The following CDK6 variants were observed in gnomAD, a reference collection of about 807,000 sequenced individuals.
CDK6 encodes cyclin-dependent kinase 6.
Under a neutral mutation model 37.1 loss-of-function variants are expected in CDK6, and 6 were observed. That is an observed-to-expected ratio of 0.16 (90% CI 0.09 to 0.32). The LOEUF is 0.32. Ranked by LOEUF, CDK6 falls within the 10% of genes least tolerant of loss-of-function variation. CDK6 has a pLI of 1.00. For missense variants in CDK6, 224 were observed against 418.9 expected (o/e 0.53, Z 4.06); for synonymous variants, 160 against 161.3 (o/e 0.99, Z 0.06).
chr7:92,673,999 C>T lies in CDK6; in HGVS notation c.538-2464G>A, dbSNP rs542646685. ...TTCACCATGTTGCTCAGGCTGGTCTCGAACTCCTGAGCTCAGGCAATCTGC... is the reference window on the plus strand; with the variant it reads ...TTCACCATGTTGCTCAGGCTGGTCTTGAACTCCTGAGCTCAGGCAATCTGC... On this transcript the variant is annotated intron_variant, in intron 4 of 7. Coordinates refer to ENST00000424848, the MANE Select transcript of CDK6 (RefSeq NM_001145306.2). Among the ~76,000 whole-genome samples the T allele has an allele frequency of 1.9e-3, 283 of 151,612 alleles. 3 individuals carry two copies. Among genetic ancestry groups the T allele is most frequent in the African/African-American group, 6.6e-3 (274 of 41,372 alleles).
chr7:92,722,596 G>A (rs1253963853), intron 4 of CDK6, among the ~76,000 whole-genome samples: 1 of 152,158 alleles, frequency 6.6e-6, no homozygotes, highest in Non-Finnish European at 1.5e-5. Flanking sequence ...GCCATTTTAA[G>A]GTATATGGAG....
chr7:92,725,773 G>A lies in CDK6; in HGVS notation c.390C>T (p.Leu130=), dbSNP rs1224932741. 6.2e-7 allele frequency: 1 copy of A among 1,613,344 alleles called. No individual in the cohort carries two copies. Among genetic ancestry groups the A allele is most frequent in the East Asian group, 2.2e-5 (1 of 44,866 alleles). ...GTGAATGAAGAAAGTCCAGACCTCG[G>A]AGAAGCTGAAACATCATATCCTAAT... ...ETIKDMMFQL[L]RGLDFLHSHR... The change falls in exon 4 of 8, where the codon CTC becomes CTT. Residue 130 remains leucine (L), a synonymous_variant. Transcript: ENST00000424848.
chr7:92,782,095 T>C (rs565820206), intron 2 of CDK6, among the ~76,000 whole-genome samples: 18 of 152,304 alleles, frequency 1.2e-4, no homozygotes, highest in African/African-American at 4.1e-4. Context: ...TACCAGCACC[T>C]ACCATGTGCA....
intron 3 of CDK6, among the ~76,000 whole-genome samples, chr7:92,735,814 A>G (rs532681299): frequency 6.6e-6 from 1 of 152,244 alleles, no homozygotes; most frequent in Admixed American, 6.5e-5. Context: ...GATTAAACTG[A>G]TTCCTGAGTC....
chr7:92,748,678 A>C (rs1709286061), intron 3 of CDK6, among the ~76,000 whole-genome samples: 1 of 152,118 alleles, frequency 6.6e-6, no homozygotes, highest in South Asian at 2.1e-4. Context: ...CTCTTTCATA[A>C]CATAGAATAA....
Position 92,609,106 on chromosome 7 carries a change from A to G in CDK6, c.*6034T>C, listed in dbSNP as rs1342527795. On this transcript the variant is annotated 3_prime_UTR_variant, in exon 8 of 8. Coordinates refer to ENST00000424848, the MANE Select transcript of CDK6 (RefSeq NM_001145306.2). ...CCTAGTGTATGTGGCATTTTGGTTC[A>G]GTATGAATTACTGAGACTCATCTGC... is the stretch of plus-strand genomic sequence containing the variant. 1 of 233,108 alleles carries G rather than the reference A, an allele frequency of 4.3e-6. No individual in the cohort carries two copies. Among genetic ancestry groups the G allele is most frequent in the African/African-American group, 2.2e-5 (1 of 45,450 alleles). 14.4% of individuals were successfully genotyped at this position (233,108 alleles called of 1,614,324 possible).
At chr7:92,832,046 A>C (rs980334948) in intron 2 of CDK6, among the ~76,000 whole-genome samples, 3 of 152,246 alleles carry the variant, frequency 2.0e-5, no homozygotes, top group African/African-American at 7.2e-5. Context: ...ATGAGAAAAA[A>C]GATATTTCTG....
chr7:92,770,220 G>A (rs1446358170), intron 3 of CDK6, among the ~76,000 whole-genome samples: 1 of 151,544 alleles, frequency 6.6e-6, no homozygotes, highest in African/African-American at 2.4e-5. Flanking sequence ...AAATGTCATT[G>A]TCAACCAAGA....
intron 2 of CDK6, among the ~76,000 whole-genome samples, chr7:92,786,656 T>TAA (rs1800141370): frequency 1.4e-5 from 2 of 146,262 alleles, no homozygotes; most frequent in African/African-American, 5.0e-5. Flanking sequence ...TATATATATA[T>TAA]AAATAATCTG....
intron 4 of CDK6, among the ~76,000 whole-genome samples, chr7:92,673,383 T>A (rs1797132488): frequency 6.6e-6 from 1 of 152,226 alleles, no homozygotes. Flanking sequence ...ATATTTTGCT[T>A]TGAATTCACA....
At chr7:92,801,639 TC>T (rs1187341523) in intron 2 of CDK6, among the ~76,000 whole-genome samples, 1 of 151,312 alleles carries the variant, frequency 6.6e-6, no homozygotes, top group Non-Finnish European at 1.5e-5. Flanking sequence ...CCTTCTTCCC[TC>T]CCTTCTCTCT....
intron 2 of CDK6, among the ~76,000 whole-genome samples, chr7:92,829,286 T>C (rs1190432521): frequency 6.6e-6 from 1 of 152,224 alleles, no homozygotes; most frequent in East Asian, 1.9e-4. Flanking sequence ...CAGTGACTAT[T>C]CTAATTATAA....
chr7:92,780,557 G>A (rs1470761478), intron 2 of CDK6, among the ~76,000 whole-genome samples: 9 of 151,728 alleles, frequency 5.9e-5, no homozygotes. Flanking sequence ...TCAGGAGATC[G>A]AGACCAACCT....
intron 3 of CDK6, among the ~76,000 whole-genome samples, chr7:92,737,168 C>T (rs1265053125): frequency 6.6e-6 from 1 of 152,162 alleles, no homozygotes; most frequent in Non-Finnish European, 1.5e-5. Context: ...GGGTTCAGCA[C>T]TGGTGCCACT....
At chr7:92,644,916 C>T (rs117751067) in intron 5 of CDK6, among the ~76,000 whole-genome samples, 1,892 of 152,304 alleles carry the variant, frequency 0.012, 18 homozygotes, top group Non-Finnish European at 0.02. Flanking sequence ...TGGGGCCTGG[C>T]GCTGCACTGA....
chr7:92,696,526 G>C (rs1439284301), intron 4 of CDK6, among the ~76,000 whole-genome samples: 1 of 152,084 alleles, frequency 6.6e-6, no homozygotes, highest in African/African-American at 2.4e-5. Context: ...TGATATTCAA[G>C]AGTGGTATTA....
At chr7:92,627,548 C>T (rs1429355665) in intron 5 of CDK6, among the ~76,000 whole-genome samples, 3 of 152,046 alleles carry the variant, frequency 2.0e-5, no homozygotes, top group African/African-American at 7.2e-5. Context: ...TGGCTCTGAC[C>T]TTGGACTTCC....
At position 92,613,784 on chromosome 7, in the gene CDK6, C is replaced by T. The variant is rs1795613287; in HGVS notation, c.*1356G>A. On this transcript the variant is annotated 3_prime_UTR_variant, in exon 8 of 8. Coordinates refer to ENST00000424848, the MANE Select transcript of CDK6 (RefSeq NM_001145306.2). ...TCTGTGTGCTGGTGATAAAACAAAA[C>T]AAGATCCTACTCATTATTTAGGTAA... 4.3e-6 allele frequency: 1 copy of T among 232,978 alleles called. No homozygotes were observed. 14.4% of individuals were successfully genotyped at this position (232,978 alleles called of 1,614,324 possible).
chr7:92,661,927 G>A (rs1309594885), intron 5 of CDK6, among the ~76,000 whole-genome samples: 1 of 152,178 alleles, frequency 6.6e-6, no homozygotes, highest in Non-Finnish European at 1.5e-5. Flanking sequence ...GAAGAAATGA[G>A]CAAGTGAAGA....
Sources: gnomAD v4.1 joint callset for allele counts (sites outside exome capture counted in the v4.1 genomes callset) on GRCh38, gnomAD v4.1.1 for gene constraint, MANE v1.5 for transcripts, NCBI Gene and HGNC (gene_info 2026-07-23, HGNC 2026-07-21) for gene names.